The following ADGRG6 variants were observed in gnomAD, a reference collection of about 807,000 sequenced individuals.
ADGRG6 encodes the protein G-protein coupled receptor 126.
In ADGRG6, 84 loss-of-function variants were observed where a neutral mutation model predicts 142.4. That is an observed-to-expected ratio of 0.59 (90% CI 0.49 to 0.71). ADGRG6 has a LOEUF of 0.71. ADGRG6 is among the 30% of genes least tolerant of loss of function. ADGRG6 has a pLI of 0.00. For synonymous variants in ADGRG6, 521 were observed against 520.5 expected (o/e 1.00, Z -0.01); for missense variants, 1,367 against 1,466.6 (o/e 0.93, Z 1.11).
At chr6:142,413,351 T>G (rs754909515) in intron 18 of ADGRG6, among the ~76,000 whole-genome samples, 7 of 152,186 alleles carry the variant, frequency 4.6e-5, no homozygotes, top group Non-Finnish European at 1.0e-4. Context: ...CTACAAATAT[T>G]TCAAGAATTT....
chr6:142,416,951 C>T (rs1673081308), intron 20 of ADGRG6, among the ~76,000 whole-genome samples: 1 of 152,076 alleles, frequency 6.6e-6, no homozygotes, highest in African/African-American at 2.4e-5. Flanking sequence ...TTAATGAAAC[C>T]ACATTCACTA....
At chr6:142,305,418 A>G (rs1348560495) in intron 1 of ADGRG6, among the ~76,000 whole-genome samples, 1 of 116,850 alleles carries the variant, frequency 8.6e-6, no homozygotes, top group Admixed American at 8.4e-5. Context: ...CCCCCCCACG[A>G]GCCCCTCCTG....
At chr6:142,369,580 GTTTGACT>G (rs553951656) in intron 3 of ADGRG6, among the ~76,000 whole-genome samples, 235 of 152,124 alleles carry the variant, frequency 1.5e-3, no homozygotes, top group Middle Eastern at 6.8e-3. Context: ...TCTCCACTTT[GTTTGACT>G]TTTCACTAGA....
chr6:142,377,711 G>A (rs1011566260), intron 4 of ADGRG6, among the ~76,000 whole-genome samples: 5 of 152,150 alleles, frequency 3.3e-5, no homozygotes, highest in African/African-American at 1.2e-4. Flanking sequence ...ACCTCCTGAT[G>A]TGTAAATCCA....
intron 2 of ADGRG6, among the ~76,000 whole-genome samples, chr6:142,364,818 G>A (rs1780872880): frequency 6.6e-6 from 1 of 152,092 alleles, no homozygotes; most frequent in African/African-American, 2.4e-5. Flanking sequence ...AGGCTGCAGC[G>A]AGGGCCACTA....
At chr6:142,377,702 C>T (rs9496357) in intron 4 of ADGRG6, among the ~76,000 whole-genome samples, 2,538 of 152,250 alleles carry the variant, frequency 0.017, 77 homozygotes, top group African/African-American at 0.057. Context: ...TTCTTAACAA[C>T]CTCCTGATGT....
intron 2 of ADGRG6, among the ~76,000 whole-genome samples, chr6:142,314,959 G>C (rs1040564934): frequency 5.1e-5 from 7 of 138,150 alleles, no homozygotes; most frequent in Non-Finnish European, 1.1e-4. Context: ...TTAGCCTACA[G>C]TCCAATCATG....
At chr6:142,410,034 T>C in intron 17 of ADGRG6, 115 bp downstream of exon 17, 1 of 445,264 alleles carries the variant, frequency 2.2e-6, no homozygotes, top group Non-Finnish European at 4.1e-6. Flanking sequence ...ACAATGTAAG[T>C]GTAAATGGCA....
chr6:142,369,719 A>G (rs1352517402), intron 3 of ADGRG6, among the ~76,000 whole-genome samples: 1 of 152,240 alleles, frequency 6.6e-6, no homozygotes, highest in African/African-American at 2.4e-5. Flanking sequence ...GTTTGGAAAG[A>G]GTGAAAAGTA....
At chr6:142,338,578 T>C (rs1425838365) in intron 2 of ADGRG6, among the ~76,000 whole-genome samples, 4 of 151,738 alleles carry the variant, frequency 2.6e-5, no homozygotes. Flanking sequence ...TTAATCGATA[T>C]ATTATTAAAT....
At chr6:142,309,248 A>T (rs1375949509) in intron 1 of ADGRG6, among the ~76,000 whole-genome samples, 2 of 151,778 alleles carry the variant, frequency 1.3e-5, no homozygotes, top group Non-Finnish European at 2.9e-5. Context: ...TTAATAAATA[A>T]TTTTTTTGAA....
intron 10 of ADGRG6, among the ~76,000 whole-genome samples, chr6:142,399,958 T>C (rs1775418037): frequency 6.6e-6 from 1 of 152,174 alleles, no homozygotes; most frequent in Admixed American, 6.5e-5. Flanking sequence ...TCTGAGAGTT[T>C]GTTGGTTTGC....
At position 142,445,582 on chromosome 6, in the gene ADGRG6, A is replaced by G. The variant is rs915241483; in HGVS notation, c.*2067A>G. 7 of 152,128 alleles carry G rather than the reference A, an allele frequency of 4.6e-5. No homozygotes were observed. The highest frequency in any genetic ancestry group is 1.7e-4 in the African/African-American group (7 of 41,438). The allele number at this position is 152,128 out of a possible 1,614,324, so 9.4% of individuals were successfully genotyped here. On this transcript the variant is annotated 3_prime_UTR_variant, in exon 25 of 25. Transcript: ENST00000367609. Reference sequence around the variant, plus strand: ...GGCTCCAGAAAAATATTTTTTTCATATTTGACAATGTCAGCTCCACTTTAG... The same window carrying G: ...GGCTCCAGAAAAATATTTTTTTCATGTTTGACAATGTCAGCTCCACTTTAG...
intron 22 of ADGRG6, among the ~76,000 whole-genome samples, chr6:142,435,226 A>G (rs945253231): frequency 3.9e-5 from 6 of 152,052 alleles, no homozygotes; most frequent in African/African-American, 1.2e-4. Context: ...TGAATCTCCA[A>G]CTCCTAAAAC....
At chr6:142,314,486 A>G (rs1419953264) in intron 2 of ADGRG6, among the ~76,000 whole-genome samples, 2 of 152,188 alleles carry the variant, frequency 1.3e-5, no homozygotes, top group Admixed American at 6.5e-5. Context: ...GTCTCAAGCT[A>G]TCTGAGGAAT....
intron 17 of ADGRG6, among the ~76,000 whole-genome samples, chr6:142,410,765 T>A (rs980279377): frequency 6.6e-5 from 10 of 152,150 alleles, no homozygotes; most frequent in African/African-American, 2.4e-4. Flanking sequence ...TTTAAATAAA[T>A]GGATTCAATA....
At chr6:142,304,452 T>C (rs1777386630) in intron 1 of ADGRG6, among the ~76,000 whole-genome samples, 1 of 152,194 alleles carries the variant, frequency 6.6e-6, no homozygotes, top group East Asian at 1.9e-4. Flanking sequence ...CTTATATAAA[T>C]TACATGACAT....
At chr6:142,413,262 T>G (rs1241314118) in intron 18 of ADGRG6, among the ~76,000 whole-genome samples, 2 of 152,078 alleles carry the variant, frequency 1.3e-5, no homozygotes, top group Non-Finnish European at 2.9e-5. Flanking sequence ...GAGTCTGCAT[T>G]GTCCCATGAC....
chr6:142,419,094 G>C (rs1378872158), intron 21 of ADGRG6, among the ~76,000 whole-genome samples: 1 of 152,110 alleles, frequency 6.6e-6, no homozygotes, highest in Non-Finnish European at 1.5e-5. Context: ...CTACAGCAAT[G>C]ATATTAGTAG....
Sources: gnomAD v4.1 joint callset for allele counts (sites outside exome capture counted in the v4.1 genomes callset) on GRCh38, gnomAD v4.1.1 for gene constraint, MANE v1.5 for transcripts, NCBI Gene and HGNC (gene_info 2026-07-23, HGNC 2026-07-21) for gene names.